The following GABPB1 variants were observed in gnomAD, a reference collection of about 807,000 sequenced individuals.
The protein encoded by GABPB1 is GA binding protein transcription factor subunit beta 1.
Under a neutral mutation model 45.9 loss-of-function variants are expected in GABPB1, and 15 were observed. The ratio of observed to expected loss-of-function variants is 0.33; its 90% confidence interval spans 0.22 to 0.50. The LOEUF is 0.50. Among genes scored for constraint, GABPB1 ranks in the 20% least tolerant of loss-of-function variants. The pLI, the probability that GABPB1 is intolerant of heterozygous loss-of-function variation, is 0.98. For synonymous variants in GABPB1, 143 were observed against 154.4 expected (o/e 0.93, Z 0.55); for missense variants, 252 against 457.5 (o/e 0.55, Z 4.10).
intron 6 of GABPB1, among the ~76,000 whole-genome samples, chr15:50,293,190 G>T (rs4774559): frequency 0.18 from 27,178 of 152,068 alleles, 2,585 homozygotes; most frequent in Middle Eastern, 0.23. Flanking sequence ...GAAATATGCT[G>T]AGTTTCTATC....
intron 1 of GABPB1, among the ~76,000 whole-genome samples, chr15:50,340,608 T>G (rs1313667078): frequency 6.6e-6 from 1 of 151,466 alleles, no homozygotes; most frequent in Non-Finnish European, 1.5e-5. Flanking sequence ...TTGCTTTTCT[T>G]GCTTAACACA....
At chr15:50,314,841 A>C (rs189929027) in intron 1 of GABPB1, among the ~76,000 whole-genome samples, 1 of 152,352 alleles carries the variant, frequency 6.6e-6, no homozygotes, top group East Asian at 1.9e-4. Flanking sequence ...TTTTGTTCAG[A>C]AATTTACTAA....
intron 8 of GABPB1, among the ~76,000 whole-genome samples, chr15:50,283,999 G>A (rs2046079152): frequency 6.6e-6 from 1 of 152,048 alleles, no homozygotes; most frequent in African/African-American, 2.4e-5. Context: ...GTGCATCGTA[G>A]GATGTCTACC....
At chr15:50,307,171 A>G (rs2046978475) in intron 2 of GABPB1, among the ~76,000 whole-genome samples, 1 of 152,148 alleles carries the variant, frequency 6.6e-6, no homozygotes, top group South Asian at 2.1e-4. Context: ...TACCAATTCC[A>G]TACTTCCACC....
Position 50,289,501 on chromosome 15 carries a change from T to A in GABPB1, c.865A>T (p.Met289Leu). ...TACTAACCTTGTTGTCCATCTGGCA[T>A]GGTCACAATGATGGGCTGACCAATT... ...SGIGQPIIVT[M>L]PDGQQVLTVP... The change falls in exon 7 of 9, where the codon ATG becomes TTG. Residue 289 changes from methionine (M) to leucine (L), a missense_variant. Physicochemically the swap from Met to Leu is conservative, Grantham distance 15. Around this residue, in one of 4 missense-constraint regions of GABPB1, gnomAD observed 193 missense variants for 259.9 expected, o/e 0.74. Coordinates refer to ENST00000380877, the MANE Select transcript of GABPB1 (RefSeq NM_016654.5). 2 of 1,610,744 alleles carry A rather than the reference T, an allele frequency of 1.2e-6. No individual in the cohort carries two copies. The highest frequency in any genetic ancestry group is 1.7e-6 in the Non-Finnish European group (2 of 1,178,334).
intron 6 of GABPB1, among the ~76,000 whole-genome samples, chr15:50,289,921 A>T (rs2046294700): frequency 6.6e-6 from 1 of 151,988 alleles, no homozygotes; most frequent in African/African-American, 2.4e-5. Flanking sequence ...GCAGGTATGT[A>T]CCACCATACC....
At chr15:50,340,647 A>G (rs978364574) in intron 1 of GABPB1, among the ~76,000 whole-genome samples, 7 of 151,774 alleles carry the variant, frequency 4.6e-5, no homozygotes, top group African/African-American at 1.5e-4. Context: ...GTTCACAGAA[A>G]GAACTTCCTC....
chr15:50,316,785 T>C (rs532750586), intron 1 of GABPB1, among the ~76,000 whole-genome samples: 72 of 152,210 alleles, frequency 4.7e-4, no homozygotes, highest in Non-Finnish European at 9.3e-4. Flanking sequence ...AATGGAATAC[T>C]GTAGTGATTT....
chr15:50,332,235 T>C (rs566332631), intron 1 of GABPB1, among the ~76,000 whole-genome samples: 2 of 152,126 alleles, frequency 1.3e-5, no homozygotes, highest in African/African-American at 2.4e-5. Flanking sequence ...CAATTCTTTT[T>C]AGCATTCTAT....
chr15:50,275,963 A>G lies in GABPB1; in HGVS notation c.*2669T>C, dbSNP rs1023817973. 4 of 152,238 alleles carry G rather than the reference A, an allele frequency of 2.6e-5. No individual in the cohort carries two copies. In the South Asian group the frequency reaches 8.3e-4, roughly 32 times the overall value. The allele number at this position is 152,238 out of a possible 1,614,324, so 9.4% of individuals were successfully genotyped here. A position where few individuals can be genotyped will look rare whatever the true frequency, so the allele number is the denominator to read the frequency against. ...TTAAATCTGAATAAAGTAATTGGGCAGTCAAGATGCCTAACGAACTCAGTG... is the reference window on the plus strand; with the variant it reads ...TTAAATCTGAATAAAGTAATTGGGCGGTCAAGATGCCTAACGAACTCAGTG... On this transcript the variant is annotated 3_prime_UTR_variant, in exon 9 of 9. Transcript: ENST00000380877.
rs1322929700 is a variant in GABPB1 at position 50,337,140 on chromosome 15, G to T, written c.-1+17845C>A. On this transcript the variant is annotated intron_variant, in intron 1 of 8. Coordinates refer to ENST00000380877, the MANE Select transcript of GABPB1 (RefSeq NM_016654.5). ...ATATATATATATATAATATGAAGAG[G>T]TCAGAGCCCATCCAAAACTCTAGCC... Among the ~76,000 whole-genome samples, 5 of 95,692 alleles carry T rather than the reference G, an allele frequency of 5.2e-5. 1 individual carries two copies. The East Asian group carries it at 2.0e-3, about 39-fold the overall frequency. The allele number at this position is 95,692 out of a possible 152,430, so 62.8% of individuals were successfully genotyped here. A position where few individuals can be genotyped will look rare whatever the true frequency, so the allele number is the denominator to read the frequency against.
chr15:50,342,847 T>A (rs2048425808), intron 1 of GABPB1, among the ~76,000 whole-genome samples: 1 of 152,214 alleles, frequency 6.6e-6, no homozygotes, highest in Non-Finnish European at 1.5e-5. Context: ...TATTAACAAG[T>A]TGTAGTAGTC....
In GABPB1 at chr15:50,301,429, T is replaced by G. The variant is rs2046743244; in HGVS notation, c.472-61A>C. On this transcript the variant is annotated intron_variant, in intron 4 of 8. Transcript: ENST00000380877. The stretch of plus-strand genomic sequence containing the variant: ...TAACCAGAACATATAGCACAAATTC[T>G]CCATATAATACAAACACATATAAAG... 5.7e-6 allele frequency: 8 copies of G among 1,405,332 alleles called. No homozygotes were observed. In the East Asian group the frequency reaches 1.8e-4, roughly 32 times the overall value. The allele number at this position is 1,405,332 out of a possible 1,614,324, so 87.1% of individuals were successfully genotyped here. A position where few individuals can be genotyped will look rare whatever the true frequency, so the allele number is the denominator to read the frequency against.
intron 1 of GABPB1, among the ~76,000 whole-genome samples, chr15:50,325,860 A>G (rs1270903332): frequency 1.3e-5 from 2 of 151,910 alleles, no homozygotes; most frequent in East Asian, 3.9e-4. Context: ...CACTAACTTC[A>G]GAATATGCAA....
chr15:50,291,504 T>G (rs796565603), intron 6 of GABPB1, among the ~76,000 whole-genome samples: 2 of 151,530 alleles, frequency 1.3e-5, no homozygotes, highest in Non-Finnish European at 2.9e-5. Flanking sequence ...TTTTTTTGTA[T>G]TTTTAGTAGA....
At chr15:50,331,194 C>T (rs1414470411) in intron 1 of GABPB1, among the ~76,000 whole-genome samples, 1 of 152,182 alleles carries the variant, frequency 6.6e-6, no homozygotes, top group Non-Finnish European at 1.5e-5. Flanking sequence ...TATTTGCTTT[C>T]CTTGCTTCCC....
intron 2 of GABPB1, among the ~76,000 whole-genome samples, chr15:50,309,186 T>A (rs1205125603): frequency 1.3e-5 from 2 of 151,736 alleles, no homozygotes; most frequent in Non-Finnish European, 2.9e-5. Context: ...AAAGAGTTAT[T>A]TTTTTTTGCC....
rs1017414646 is a variant in GABPB1, at chr15:50,332,915, C to T, written c.-1+22070G>A. ...CTCTAAATATGTATCATTTTCTTTA[C>T]CTTTAATTTACTCTTCATACATTTC... On this transcript the variant is annotated intron_variant, in intron 1 of 8. Transcript: ENST00000380877. Among the ~76,000 whole-genome samples the T allele has an allele frequency of 1.2e-4, 18 of 152,014 alleles. 1 individual carries two copies. Among genetic ancestry groups the T allele is most frequent in the Non-Finnish European group, 2.1e-4 (14 of 67,998 alleles).
At chr15:50,352,929 A>T (rs1392353347) in intron 1 of GABPB1, 1 of 152,214 alleles carries the variant, frequency 6.6e-6, no homozygotes, top group Non-Finnish European at 1.5e-5. Context: ...GAAAACCCAG[A>T]ATGATTCAGA....
Sources: gnomAD v4.1 joint callset for allele counts (sites outside exome capture counted in the v4.1 genomes callset) on GRCh38, gnomAD v4.1.1 for gene constraint, gnomAD v4.1.1 regional missense constraint, MANE v1.5 for transcripts, NCBI Gene and HGNC (gene_info 2026-07-23, HGNC 2026-07-21) for gene names.